The following RALYL variants were observed in gnomAD, a reference collection of about 807,000 sequenced individuals.
RALYL encodes the protein RNA-binding Raly-like protein.
RALYL carries 29 observed loss-of-function variants against 35.1 expected under a neutral mutation model. The observed-to-expected ratio is 0.83, with a 90% CI of 0.61 to 1.13. The LOEUF (loss-of-function observed/expected upper bound fraction) is 1.13. Among genes scored for constraint, RALYL ranks in the 50% most tolerant of loss-of-function variants. The pLI is 0.00. For synonymous variants in RALYL, 120 were observed against 127.6 expected, an observed-to-expected ratio of 0.94 and a Z score of 0.40; for missense variants, 359 against 360.4, an observed-to-expected ratio of 1.00 and a Z score of 0.03.
chr8:84,412,777 A>G (rs2132204260), intron 1 of RALYL, among the ~76,000 whole-genome samples: 1 of 152,112 alleles, frequency 6.6e-6, no homozygotes, highest in Middle Eastern at 3.4e-3. Context: ...GTCATTAAGG[A>G]CCCAGGTAAC....
intron 8 of RALYL, among the ~76,000 whole-genome samples, chr8:84,891,301 TC>T (rs1843801814): frequency 6.6e-6 from 1 of 152,324 alleles, no homozygotes; most frequent in East Asian, 1.9e-4. Flanking sequence ...TCTGTCATTA[TC>T]AGTCCAATTG....
At chr8:84,854,067 G>A (rs1836445355) in intron 5 of RALYL, among the ~76,000 whole-genome samples, 1 of 152,160 alleles carries the variant, frequency 6.6e-6, no homozygotes, top group Non-Finnish European at 1.5e-5. Flanking sequence ...CAATAATGGG[G>A]CCAGGCGCGG....
At chr8:84,766,947 G>T (rs974255638) in intron 2 of RALYL, among the ~76,000 whole-genome samples, 2 of 152,056 alleles carry the variant, frequency 1.3e-5, no homozygotes, top group African/African-American at 4.8e-5. Context: ...AATTATGACT[G>T]CCCTTTAGAA....
chr8:84,801,754 A>T (rs532991749), intron 3 of RALYL, among the ~76,000 whole-genome samples: 51 of 152,334 alleles, frequency 3.3e-4, no homozygotes, highest in African/African-American at 1.2e-3. Flanking sequence ...GAAGCAGTAA[A>T]GAATGACATG....
At chr8:84,917,119 C>T (rs1434369119) in intron 8 of RALYL, among the ~76,000 whole-genome samples, 2 of 151,994 alleles carry the variant, frequency 1.3e-5, no homozygotes, top group Non-Finnish European at 2.9e-5. Flanking sequence ...TTTATCTTTC[C>T]ATTTCTGTAT....
In RALYL at chr8:84,720,042, CT is replaced by C. The variant is rs1367380992; in HGVS notation, c.257-54535del. On this transcript the variant is annotated intron_variant, in intron 2 of 8. Transcript: ENST00000521268. ...TGTCTTTCTGTCCTAGCTCACTTCA[CT>C]TAATGTAGTGTCCTCCAGGTTCATG... 5.9e-5 allele frequency among the ~76,000 whole-genome samples: 9 copies of C among 152,194 alleles called. 1 individual carries two copies. The highest frequency in any genetic ancestry group is 3.4e-3 in the Middle Eastern group (1 of 294).
intron 2 of RALYL, among the ~76,000 whole-genome samples, chr8:84,770,563 C>A (rs890184881): frequency 2.0e-5 from 3 of 151,996 alleles, no homozygotes; most frequent in Admixed American, 1.3e-4. Flanking sequence ...GGGTAGATAC[C>A]CAGTAGTGGG....
At chr8:84,538,989 G>A (rs1468758951) in intron 2 of RALYL, among the ~76,000 whole-genome samples, 2 of 152,198 alleles carry the variant, frequency 1.3e-5, no homozygotes, top group Non-Finnish European at 2.9e-5. Flanking sequence ...AACAAATTGA[G>A]TATAATCATG....
chr8:84,461,881 T>C (rs944116058), intron 1 of RALYL, among the ~76,000 whole-genome samples: 2 of 151,616 alleles, frequency 1.3e-5, no homozygotes, highest in African/African-American at 4.8e-5. Context: ...TTTGTTGCAA[T>C]TGATGAGCCA....
chr8:84,869,490 T>C (rs947494697), intron 6 of RALYL, among the ~76,000 whole-genome samples: 1 of 152,170 alleles, frequency 6.6e-6, no homozygotes, highest in Non-Finnish European at 1.5e-5. Context: ...AAGCATGGTA[T>C]TGGTAAGGGA....
At chr8:84,251,493 G>A (rs1045615932) in intron 1 of RALYL, among the ~76,000 whole-genome samples, 4 of 151,682 alleles carry the variant, frequency 2.6e-5, no homozygotes, top group Non-Finnish European at 5.9e-5. Context: ...TTTTTTGAAA[G>A]AAGCAAGTTC....
chr8:84,781,346 A>C (rs1818122210), intron 3 of RALYL, among the ~76,000 whole-genome samples: 1 of 152,214 alleles, frequency 6.6e-6, no homozygotes, highest in Non-Finnish European at 1.5e-5. Flanking sequence ...CTTTTATTTA[A>C]AATGTTCAAA....
chr8:84,768,627 C>T (rs1370632593), intron 2 of RALYL, among the ~76,000 whole-genome samples: 1 of 152,214 alleles, frequency 6.6e-6, no homozygotes. Context: ...TGACTAGGAG[C>T]TATGGCTCAC....
At chr8:84,407,760 T>A (rs1340319093) in intron 1 of RALYL, among the ~76,000 whole-genome samples, 1 of 152,074 alleles carries the variant, frequency 6.6e-6, no homozygotes, top group South Asian at 2.1e-4. Flanking sequence ...ACTAAGAAAA[T>A]ATGTCAATAC....
At chr8:84,454,894 A>G (rs1485162464) in intron 1 of RALYL, among the ~76,000 whole-genome samples, 1 of 152,086 alleles carries the variant, frequency 6.6e-6, no homozygotes, top group African/African-American at 2.4e-5. Flanking sequence ...ACAATTGTGT[A>G]TAGCAGGTTT....
chr8:84,523,328 T>G (rs1306845649), intron 1 of RALYL, among the ~76,000 whole-genome samples: 1 of 151,790 alleles, frequency 6.6e-6, no homozygotes, highest in Non-Finnish European at 1.5e-5. Context: ...TCATGAGACT[T>G]ATTCATGAGA....
intron 4 of RALYL, among the ~76,000 whole-genome samples, chr8:84,840,131 G>A (rs1416500927): frequency 2.0e-5 from 3 of 152,148 alleles, no homozygotes; most frequent in Admixed American, 1.3e-4. Context: ...TGACTTTGAC[G>A]AGTTGAGAGA....
intron 1 of RALYL, among the ~76,000 whole-genome samples, chr8:84,486,205 TGAAATA>T (rs1225448115): frequency 1.3e-5 from 2 of 150,836 alleles, no homozygotes; most frequent in African/African-American, 4.9e-5. Context: ...ATAATAATAA[TGAAATA>T]AGTAATCAGA....
intron 1 of RALYL, among the ~76,000 whole-genome samples, chr8:84,357,631 A>G (rs960931480): frequency 1.1e-4 from 16 of 151,704 alleles, no homozygotes; most frequent in Admixed American, 3.3e-4. Flanking sequence ...GTATCTTTAG[A>G]ATTCTAGAAA....
Sources: allele counts gnomAD v4.1 joint callset (sites outside exome capture counted in the v4.1 genomes callset), GRCh38; gene constraint gnomAD v4.1.1; transcripts MANE v1.5; gene names NCBI Gene and HGNC (gene_info 2026-07-23, HGNC 2026-07-21).